The following ZMYM2 variants were observed in gnomAD, a reference collection of about 807,000 sequenced individuals.
ZMYM2 encodes zinc finger MYM-type containing 2.
Under a neutral mutation model 162.8 loss-of-function variants are expected in ZMYM2, and 56 were observed. The observed-to-expected ratio is 0.34, with a 90% CI of 0.28 to 0.43. The LOEUF (loss-of-function observed/expected upper bound fraction) is 0.43. Ranked by LOEUF, ZMYM2 falls within the 20% of genes least tolerant of loss-of-function variation. The probability of loss-of-function intolerance (pLI) is 1.00; values close to 1 mark genes in which losing one functional copy is unlikely to be tolerated. For missense variants in ZMYM2, 1,275 were observed against 1,621.8 expected (o/e 0.79, Z 3.67); for synonymous variants, 510 against 541.6 (o/e 0.94, Z 0.81).
At chr13:20,022,374 GTGTCCCTCTT>G (rs761018944) in intron 7 of ZMYM2, among the ~76,000 whole-genome samples, 1 of 152,176 alleles carries the variant, frequency 6.6e-6, no homozygotes, top group Non-Finnish European at 1.5e-5. Flanking sequence ...AAGCGGTGTT[GTGTCCCTCTT>G]CGTGCACATC....
At chr13:20,053,629 G>A (rs759175179) in intron 14 of ZMYM2, among the ~76,000 whole-genome samples, 1 of 152,058 alleles carries the variant, frequency 6.6e-6, no homozygotes, top group Non-Finnish European at 1.5e-5. Flanking sequence ...TCCAGCCTGG[G>A]TAATAAGAGT....
the ZMYM2 span, among the ~76,000 whole-genome samples, chr13:19,882,723 A>T: frequency 6.6e-6 from 1 of 152,126 alleles, no homozygotes; most frequent in African/African-American, 2.4e-5. Context: ...TTCCAGCCTA[A>T]GCGACAGGGT....
the ZMYM2 span, among the ~76,000 whole-genome samples, chr13:19,909,423 C>T: frequency 3.7e-5 from 5 of 134,944 alleles, no homozygotes; most frequent in Non-Finnish European, 7.7e-5. Flanking sequence ...TCTTTCTCTG[C>T]CTTTTTCGTT....
At chr13:19,983,750 C>G (rs1488549904) in intron 2 of ZMYM2, among the ~76,000 whole-genome samples, 3 of 152,072 alleles carry the variant, frequency 2.0e-5, no homozygotes, top group Admixed American at 2.0e-4. Context: ...CGCCTCAGTC[C>G]CATAAGTAGC....
intron 18 of ZMYM2, 134 bp from the exon 19 acceptor site, chr13:20,064,317 T>C: frequency 1.8e-6 from 1 of 547,422 alleles, no homozygotes; most frequent in Non-Finnish European, 2.9e-6. Flanking sequence ...AATGAGTCAT[T>C]TACTCCCCAG....
At chr13:19,867,619 C>T in the ZMYM2 span, among the ~76,000 whole-genome samples, 2 of 151,676 alleles carry the variant, frequency 1.3e-5, no homozygotes, top group African/African-American at 2.4e-5. Flanking sequence ...TCTCTAGAAT[C>T]AGTAGGATGC....
chr13:20,003,482 G>A (rs772812841), intron 4 of ZMYM2, among the ~76,000 whole-genome samples: 1 of 152,150 alleles, frequency 6.6e-6, no homozygotes, highest in Non-Finnish European at 1.5e-5. Context: ...TTCAGATCAA[G>A]ATTATAAAAT....
the ZMYM2 span, among the ~76,000 whole-genome samples, chr13:19,926,313 G>A: frequency 6.6e-5 from 10 of 151,132 alleles, no homozygotes; most frequent in South Asian, 2.1e-3. Context: ...AACAATAAAG[G>A]ATGTATTGTT....
chr13:19,994,091 A>G (rs1434312191), intron 3 of ZMYM2, among the ~76,000 whole-genome samples, 172 bp downstream of exon 3: 1 of 152,266 alleles, frequency 6.6e-6, no homozygotes, highest in Non-Finnish European at 1.5e-5. Context: ...AAAACCATGT[A>G]TAGTATTTTT....
At chr13:19,896,125 T>C in the ZMYM2 span, among the ~76,000 whole-genome samples, 1 of 150,806 alleles carries the variant, frequency 6.6e-6, no homozygotes, top group African/African-American at 2.4e-5. Context: ...TAAAAATACC[T>C]TTGTGTCCTT....
At chr13:20,006,707 ATTG>A (rs1338172990) in intron 6 of ZMYM2, 121 bp downstream of exon 6, 6 of 1,036,284 alleles carry the variant, frequency 5.8e-6, no homozygotes, top group South Asian at 4.7e-5. Flanking sequence ...TAATTCCATT[ATTG>A]TTGTCATATC....
chr13:19,994,827 A>T (rs1250471847), intron 3 of ZMYM2, among the ~76,000 whole-genome samples: 1 of 151,700 alleles, frequency 6.6e-6, no homozygotes, highest in Non-Finnish European at 1.5e-5. Flanking sequence ...TGCTTATTTA[A>T]TTTAATTAAT....
the ZMYM2 span, among the ~76,000 whole-genome samples, chr13:19,908,807 A>G: frequency 2.6e-5 from 4 of 152,196 alleles, no homozygotes; most frequent in Admixed American, 6.6e-5. Context: ...AGTTTGTGAT[A>G]CCACATGTCA....
At chr13:19,983,935 T>C (rs1225198049) in intron 2 of ZMYM2, among the ~76,000 whole-genome samples, 4 of 152,188 alleles carry the variant, frequency 2.6e-5, no homozygotes, top group African/African-American at 9.6e-5. Context: ...GCCAGGAATT[T>C]TTATTCTTAA....
the ZMYM2 span, among the ~76,000 whole-genome samples, chr13:19,876,420 T>A: frequency 3.3e-5 from 5 of 152,030 alleles, no homozygotes; most frequent in African/African-American, 9.7e-5. Context: ...CCTCCCAGGT[T>A]CAAGTGATTC....
chr13:20,064,756 ATTAT>A, intron 19 of ZMYM2, among the ~76,000 whole-genome samples: 1 of 151,556 alleles, frequency 6.6e-6, no homozygotes, highest in Non-Finnish European at 1.5e-5. Flanking sequence ...AGAAATAGTA[ATTAT>A]TACTATTTCT....
chr13:19,920,509 GA>G, the ZMYM2 span, among the ~76,000 whole-genome samples: 1 of 151,374 alleles, frequency 6.6e-6, no homozygotes. Flanking sequence ...GAAGATGAGG[GA>G]AGGGGAGGGG....
chr13:20,006,910 A>C (rs1216137702), intron 6 of ZMYM2, among the ~76,000 whole-genome samples: 1 of 152,216 alleles, frequency 6.6e-6, no homozygotes, highest in Non-Finnish European at 1.5e-5. Flanking sequence ...TTCAACTTAG[A>C]ATGGGTTTAT....
At chr13:19,936,159 T>C in the ZMYM2 span, among the ~76,000 whole-genome samples, 1 of 152,220 alleles carries the variant, frequency 6.6e-6, no homozygotes, top group African/African-American at 2.4e-5. Flanking sequence ...GAACCTTTTC[T>C]ATAATACTAT....
Sources: allele counts gnomAD v4.1 joint callset (sites outside exome capture counted in the v4.1 genomes callset), GRCh38; gene constraint gnomAD v4.1.1; transcripts MANE v1.5; gene names NCBI Gene and HGNC (gene_info 2026-07-23, HGNC 2026-07-21).